SRPK1: variants seen among roughly 807,000 people sequenced by gnomAD.
The protein encoded by SRPK1 is SRSF protein kinase 1.
In SRPK1, 52 loss-of-function variants were observed where a neutral mutation model predicts 89.5. The observed-to-expected ratio is 0.58, with a 90% CI of 0.46 to 0.73. The LOEUF (loss-of-function observed/expected upper bound fraction) is 0.73. SRPK1 is among the 30% of genes least tolerant of loss of function. The pLI, the probability that SRPK1 is intolerant of heterozygous loss-of-function variation, is 0.00. For synonymous variants in SRPK1, 255 were observed against 270.2 expected, an observed-to-expected ratio of 0.94 and a Z score of 0.55; for missense variants, 603 against 780.6, an observed-to-expected ratio of 0.77 and a Z score of 2.71.
At chr6:35,838,212 T>C in intron 15 of SRPK1, 125 bp downstream of exon 15, 1 of 683,810 alleles carries the variant, frequency 1.5e-6, no homozygotes, top group Non-Finnish European at 2.2e-6. Flanking sequence ...TTTTATCTCT[T>C]TGCTAAGTCA....
chr6:35,857,353 C>T lies in SRPK1; in HGVS notation c.1528G>A (p.Glu510Lys). 6.2e-7 allele frequency: 1 copy of T among 1,609,718 alleles called. No homozygotes were observed. Among genetic ancestry groups the T allele is most frequent in the Non-Finnish European group, 8.5e-7 (1 of 1,177,772 alleles). Residue 510 changes from glutamate to lysine, a missense_variant, in exon 13 of 16, where the codon GAA becomes AAA. Glu to Lys is a moderately conservative substitution (Grantham distance 56). Transcript: ENST00000373825. Reference sequence around the variant, plus strand: ...CGATATTGCCTTGTTTGAATATCTTCAGTGAAATGTTTGTGCTGAGAAAAT... The same window carrying T: ...CGATATTGCCTTGTTTGAATATCTTTAGTGAAATGTTTGTGCTGAGAAAAT... Reference protein sequence around the residue: ...NACWVHKHFTEDIQTRQYRSL... With the variant: ...NACWVHKHFTKDIQTRQYRSL...
rs185452274 is a variant in SRPK1, at chr6:35,861,920, C to T, written c.1513-4552G>A. ...TTTGAGAGTTTAAAGCTGGGCTATGCGCTTGCCCTTGGGCGACACGGCTGC... is the reference window on the plus strand; with the variant it reads ...TTTGAGAGTTTAAAGCTGGGCTATGTGCTTGCCCTTGGGCGACACGGCTGC... On this transcript the variant is annotated intron_variant, in intron 12 of 15. Transcript: ENST00000373825. Among the ~76,000 whole-genome samples the T allele has an allele frequency of 1.4e-4, 21 of 152,262 alleles. No homozygotes were observed. In the East Asian group the frequency reaches 2.9e-3, roughly 21 times the overall value.
chr6:35,879,764 T>C (rs1247969360), intron 6 of SRPK1, among the ~76,000 whole-genome samples: 1 of 152,080 alleles, frequency 6.6e-6, no homozygotes, highest in Non-Finnish European at 1.5e-5. Flanking sequence ...AAAAAGACTT[T>C]AAAACAAATG....
At chr6:35,880,735 G>GAAA (rs1238876364) in intron 6 of SRPK1, among the ~76,000 whole-genome samples, 2 of 26,980 alleles carry the variant, frequency 7.4e-5, no homozygotes, top group Non-Finnish European at 1.1e-4. Flanking sequence ...AAAAAAAAAA[G>GAAA]AAAAAAAAAA....
At chr6:35,894,842 G>A (rs764280799) in intron 2 of SRPK1, among the ~76,000 whole-genome samples, 3 of 152,048 alleles carry the variant, frequency 2.0e-5, no homozygotes, top group Non-Finnish European at 4.4e-5. Context: ...CATCTTCTCT[G>A]AAGAAGTTAC....
At chr6:35,884,626 G>A (rs909411981) in intron 6 of SRPK1, among the ~76,000 whole-genome samples, 15 of 152,166 alleles carry the variant, frequency 9.9e-5, no homozygotes, top group African/African-American at 3.6e-4. Context: ...AGGAAAAAAT[G>A]GCTAAGAACA....
At position 35,920,492 on chromosome 6, in the gene SRPK1, G is replaced by A; in HGVS notation, c.50C>T (p.Ala17Val). Reference sequence around the variant, plus strand: ...CTTCCTTTGGGCTTTGTCCTTCTTGGCCTTGGTCCTTTTCTTTCGGGCCTG... The same window carrying A: ...CTTCCTTTGGGCTTTGTCCTTCTTGACCTTGGTCCTTTTCTTTCGGGCCTG... The part of the protein sequence containing the change: ...ALQARKKRTK[A>V]KKDKAQRKSE... The change falls in exon 2 of 16, where the codon GCC (alanine) becomes GTC (valine). Residue 17 changes from alanine (A) to valine (V), a missense_variant. Ala to Val is a moderately conservative substitution (Grantham distance 64). Transcript: ENST00000373825. 1.2e-6 allele frequency: 2 copies of A among 1,613,472 alleles called. No homozygotes were observed. The highest frequency in any genetic ancestry group is 1.3e-5 in the African/African-American group (1 of 75,030).
At chr6:35,920,344 C>T (rs1344401317) in intron 2 of SRPK1, 124 bp downstream of exon 2, 7 of 1,030,330 alleles carry the variant, frequency 6.8e-6, no homozygotes. Context: ...TCCGAGCTGC[C>T]CCGAGGCCAT....
chr6:35,863,538 T>C (rs1026831763), intron 12 of SRPK1, among the ~76,000 whole-genome samples: 13 of 139,698 alleles, frequency 9.3e-5, no homozygotes, highest in African/African-American at 3.2e-4. Context: ...TTTAAGAAAA[T>C]AGTAGATAAA....
At chr6:35,901,797 T>G (rs566690161) in intron 2 of SRPK1, among the ~76,000 whole-genome samples, 1 of 152,242 alleles carries the variant, frequency 6.6e-6, no homozygotes. Context: ...AAAGATTTTT[T>G]TCTTTTGCAA....
intron 2 of SRPK1, among the ~76,000 whole-genome samples, chr6:35,895,461 G>A (rs887166562): frequency 1.3e-5 from 2 of 151,944 alleles, no homozygotes; most frequent in Non-Finnish European, 2.9e-5. Flanking sequence ...GTGTGTGTGT[G>A]TGTGTGTTCA....
Position 35,888,927 on chromosome 6 carries a change from G to A in SRPK1, c.194-4C>T. On this transcript the variant is annotated splice_polypyrimidine_tract_variant and splice_region_variant and intron_variant, in intron 3 of 15. Coordinates refer to ENST00000373825, the MANE Select transcript of SRPK1 (RefSeq NM_003137.5). Reference sequence around the variant, plus strand: ...ATTTTCACAAGATGATAACCTCCTGGAAGAAACAGGGGAAATACAATCAGA... The same window carrying A: ...ATTTTCACAAGATGATAACCTCCTGAAAGAAACAGGGGAAATACAATCAGA... 1 of 1,578,396 alleles carries A rather than the reference G, an allele frequency of 6.3e-7. No individual in the cohort carries two copies. Among genetic ancestry groups the A allele is most frequent in the Non-Finnish European group, 8.7e-7 (1 of 1,148,154 alleles).
chr6:35,874,455 A>G, intron 6 of SRPK1, 116 bp from the exon 7 acceptor site: 1 of 723,446 alleles, frequency 1.4e-6, no homozygotes, highest in East Asian at 2.7e-5. Context: ...AAAAAGTTAC[A>G]GAGCTTGAAT....
At chr6:35,872,800 A>C in intron 7 of SRPK1, 72 bp from the exon 8 acceptor site, 1 of 1,299,454 alleles carries the variant, frequency 7.7e-7, no homozygotes, top group Non-Finnish European at 1.0e-6. Context: ...AGATTATAAC[A>C]TGACATTAAA....
intron 12 of SRPK1, among the ~76,000 whole-genome samples, chr6:35,860,547 C>T (rs1769760140): frequency 6.6e-6 from 1 of 152,146 alleles, no homozygotes; most frequent in African/African-American, 2.4e-5. Context: ...CGGTGTGATA[C>T]TTGTTACAGA....
At chr6:35,838,459 G>A (rs779909831) in intron 14 of SRPK1, 30 bp from the exon 15 acceptor site, 6 of 1,512,576 alleles carry the variant, frequency 4.0e-6, no homozygotes, top group South Asian at 3.8e-5. Context: ...CAAGAGGGGG[G>A]AAAAAAAAGA....
chr6:35,887,297 C>T (rs922915094), intron 5 of SRPK1, among the ~76,000 whole-genome samples: 1 of 152,118 alleles, frequency 6.6e-6, no homozygotes, highest in Non-Finnish European at 1.5e-5. Flanking sequence ...GATGCAGTGG[C>T]TTGTGCCTGT....
At chr6:35,881,797 A>G (rs1245332890) in intron 6 of SRPK1, among the ~76,000 whole-genome samples, 1 of 152,092 alleles carries the variant, frequency 6.6e-6, no homozygotes, top group South Asian at 2.1e-4. Context: ...TAGTTCTACA[A>G]TAATAGTTGG....
intron 3 of SRPK1, 25 bp downstream of exon 3, chr6:35,890,870 A>C: frequency 5.2e-6 from 8 of 1,524,322 alleles, no homozygotes; most frequent in Non-Finnish European, 7.0e-6. Flanking sequence ...CTCATGTCTC[A>C]CTTCATACCT....
Sources: gnomAD v4.1 joint callset for allele counts (sites outside exome capture counted in the v4.1 genomes callset) on GRCh38, gnomAD v4.1.1 for gene constraint, MANE v1.5 for transcripts, NCBI Gene and HGNC (gene_info 2026-07-23, HGNC 2026-07-21) for gene names.